Variants in PCDH15 observed in about 807,000 individuals in gnomAD.
The protein encoded by PCDH15 is protocadherin-15.
In PCDH15, 129 loss-of-function variants were observed where a neutral mutation model predicts 178.5. That is an observed-to-expected ratio of 0.72 (90% CI 0.63 to 0.84). PCDH15 has a LOEUF of 0.84. Among genes scored for constraint, PCDH15 ranks in the 40% least tolerant of loss-of-function variants. The probability of loss-of-function intolerance (pLI) is 0.00; values close to 1 mark genes in which losing one functional copy is unlikely to be tolerated. For missense variants in PCDH15, 2,230 were observed against 2,099.9 expected (o/e 1.06, Z -1.21); for synonymous variants, 800 against 732.0 (o/e 1.09, Z -1.50).
chr10:55,211,259 T>C (rs975060877), intron 1 of PCDH15, among the ~76,000 whole-genome samples: 4 of 152,102 alleles, frequency 2.6e-5, no homozygotes, highest in Non-Finnish European at 4.4e-5. Context: ...AAGGATGCCA[T>C]ATTTCAAGTG....
chr10:54,866,212 T>A (rs542750160), intron 3 of PCDH15, among the ~76,000 whole-genome samples: 1 of 152,202 alleles, frequency 6.6e-6, no homozygotes, highest in Admixed American at 6.5e-5. Flanking sequence ...TTCAAAGGAA[T>A]GTTATTATTG....
chr10:53,878,320 T>TATATAAA (rs10683836), intron 26 of PCDH15, among the ~76,000 whole-genome samples: 1 of 141,052 alleles, frequency 7.1e-6, no homozygotes, highest in Non-Finnish European at 1.5e-5. Context: ...ATATTCTATA[T>TATATAAA]ATATAGTCTA....
At chr10:53,888,301 T>TATATAC in intron 26 of PCDH15, among the ~76,000 whole-genome samples, 1 of 67,718 alleles carries the variant, frequency 1.5e-5, no homozygotes, top group Admixed American at 2.1e-4. Flanking sequence ...CATATATATA[T>TATATAC]ATATATATGT....
chr10:54,829,527 T>A (rs188879628), intron 3 of PCDH15, among the ~76,000 whole-genome samples: 8 of 152,098 alleles, frequency 5.3e-5, no homozygotes, highest in Admixed American at 5.2e-4. Flanking sequence ...AGTTTGAAAC[T>A]CAAAAAAGTT....
chr10:55,604,863 A>T (rs1233708035), intron 2 of PCDH15, among the ~76,000 whole-genome samples: 1 of 144,042 alleles, frequency 6.9e-6, no homozygotes, highest in Non-Finnish European at 1.5e-5. Flanking sequence ...AACACATTCA[A>T]AAGCTAGCAG....
intron 2 of PCDH15, among the ~76,000 whole-genome samples, chr10:55,433,637 TAACA>T (rs1838945922): frequency 1.3e-5 from 2 of 152,128 alleles, no homozygotes; most frequent in African/African-American, 2.4e-5. Flanking sequence ...ATCTTTTGAT[TAACA>T]AACATTTTTA....
intron 11 of PCDH15, among the ~76,000 whole-genome samples, chr10:54,195,016 C>G (rs7901520): frequency 0.23 from 35,077 of 151,998 alleles, 6,064 homozygotes; most frequent in African/African-American, 0.49. Flanking sequence ...AGTCTTTCAG[C>G]CCTTCTGTTC....
At chr10:55,065,107 A>G (rs1191166635) in intron 2 of PCDH15, among the ~76,000 whole-genome samples, 1 of 152,096 alleles carries the variant, frequency 6.6e-6, no homozygotes, top group Non-Finnish European at 1.5e-5. Flanking sequence ...TGAGACACAA[A>G]TAAGAATCAC....
chr10:53,954,341 T>G (rs1433032914), intron 23 of PCDH15, among the ~76,000 whole-genome samples: 1 of 152,194 alleles, frequency 6.6e-6, no homozygotes, highest in East Asian at 1.9e-4. Flanking sequence ...CAATGATAGG[T>G]CTATTGTTAT....
At position 55,042,289 on chromosome 10, in the gene PCDH15, A is replaced by C. The variant is rs563460709; in HGVS notation, c.-80+124287T>G. 2.0e-5 allele frequency among the ~76,000 whole-genome samples: 3 copies of C among 152,244 alleles called. No individual in the cohort carries two copies. In the South Asian group the frequency reaches 6.2e-4, roughly 32 times the overall value. On this transcript the variant is annotated intron_variant, in intron 2 of 5. Transcript: ENST00000458638. The stretch of plus-strand genomic sequence containing the variant: ...CAAATATAAGGAGTAGACTACTTGG[A>C]GAGGGCCTTGAAAACAGAATTCTGA...
At chr10:54,560,690 T>C (rs755862256) in intron 2 of PCDH15, among the ~76,000 whole-genome samples, 2 of 152,128 alleles carry the variant, frequency 1.3e-5, no homozygotes, top group African/African-American at 4.8e-5. Context: ...GCTTGCGTTA[T>C]AGATTTTTCT....
chr10:55,415,973 CA>C (rs1838472636), intron 2 of PCDH15, among the ~76,000 whole-genome samples: 1 of 151,226 alleles, frequency 6.6e-6, no homozygotes, highest in African/African-American at 2.4e-5. Context: ...TTTCAAGTTT[CA>C]AAAACAGGCT....
chr10:54,473,265 A>T (rs1008749224), intron 3 of PCDH15, among the ~76,000 whole-genome samples: 2 of 152,148 alleles, frequency 1.3e-5, no homozygotes, highest in Non-Finnish European at 2.9e-5. Flanking sequence ...ATAAGCAAGA[A>T]TATCTTTTTT....
chr10:55,323,240 G>T (rs1299667465), upstream of PCDH15, among the ~76,000 whole-genome samples: 1 of 152,190 alleles, frequency 6.6e-6, no homozygotes. Flanking sequence ...TTTGCTGCAG[G>T]GACAGGACCC....
chr10:54,374,015 G>A (rs1361692411), intron 4 of PCDH15, among the ~76,000 whole-genome samples: 1 of 151,922 alleles, frequency 6.6e-6, no homozygotes, highest in South Asian at 2.1e-4. Context: ...ATATAGACAG[G>A]GTGCATCTTG....
chr10:54,436,595 G>A (rs2075436412), intron 3 of PCDH15, among the ~76,000 whole-genome samples: 1 of 152,070 alleles, frequency 6.6e-6, no homozygotes, highest in South Asian at 2.1e-4. Flanking sequence ...TTCAAGCACA[G>A]AAATTTGTTC....
intron 2 of PCDH15, among the ~76,000 whole-genome samples, chr10:55,342,806 T>C (rs773263631): frequency 6.6e-6 from 1 of 152,158 alleles, no homozygotes; most frequent in Non-Finnish European, 1.5e-5. Context: ...GGCACATTTC[T>C]GGAGACTAGA....
At chr10:54,594,859 C>T (rs2092123115) in intron 2 of PCDH15, among the ~76,000 whole-genome samples, 1 of 152,190 alleles carries the variant, frequency 6.6e-6, no homozygotes, top group Non-Finnish European at 1.5e-5. Flanking sequence ...GTGCTCCACT[C>T]CTGTGCCAAA....
intron 2 of PCDH15, among the ~76,000 whole-genome samples, chr10:55,613,017 A>ATTTT (rs34403286): frequency 6.1e-4 from 50 of 82,398 alleles, no homozygotes; most frequent in African/African-American, 1.4e-3. Flanking sequence ...TACTAGCCAG[A>ATTTT]TTTTTTTTTT....
Sources: allele counts gnomAD v4.1 joint callset (sites outside exome capture counted in the v4.1 genomes callset), GRCh38; gene constraint gnomAD v4.1.1; transcripts MANE v1.5; gene names NCBI Gene and HGNC (gene_info 2026-07-23, HGNC 2026-07-21).